Variants in IQSEC1 observed in about 807,000 individuals in gnomAD.
The protein encoded by IQSEC1 is IQ motif and SEC7 domain-containing protein 1.
IQSEC1 carries 31 observed loss-of-function variants against 91.0 expected under a neutral mutation model. The ratio of observed to expected loss-of-function variants is 0.34; its 90% CI spans 0.26 to 0.46. The LOEUF (loss-of-function observed/expected upper bound fraction) is 0.46. IQSEC1 is among the 20% of genes least tolerant of loss of function. IQSEC1 has a pLI of 1.00. For missense variants in IQSEC1, 1,388 were observed against 1,575.6 expected (o/e 0.88, Z 2.02); for synonymous variants, 699 against 662.6 (o/e 1.05, Z -0.84).
chr3:13,193,592 G>T lies in IQSEC1; in HGVS notation c.273-29459C>A, dbSNP rs538280168. 6.6e-6 allele frequency among the ~76,000 whole-genome samples: 1 copy of T among 152,122 alleles called. No homozygotes were observed. The highest frequency in any genetic ancestry group is 1.5e-5 in the Non-Finnish European group (1 of 68,010). The stretch of plus-strand genomic sequence containing the variant: ...GAGGGGAACAGAAGGTGCAGTTTAG[G>T]GGGTGAGGAGAGAAGTATCATGAGT... On this transcript the variant is annotated intron_variant, in intron 1 of 15. Transcript: ENST00000648114. This position sits in a 1 kb window ranked among gnomAD's most constrained non-coding sequence, Gnocchi z 4.2.
rs1367195012 is a variant in IQSEC1 at position 12,924,642 on chromosome 3, G to C, written c.1669C>G (p.Arg557Gly). Reference sequence around the variant, plus strand: ...CCCAGGAACTCGCCGATCATCTGCCGGCTGAGGCCCTTGCGCTGCAGCAGG... The same window carrying C: ...CCCAGGAACTCGCCGATCATCTGCCCGCTGAGGCCCTTGCGCTGCAGCAGG... ...HFLLQRKGLS[R>G]QMIGEFLGNR... The change falls in exon 4 of 14, where the codon CGG becomes GGG. Residue 557 changes from arginine to glycine, a missense_variant. This residue lies in a region of IQSEC1 where 1,059 missense variants were observed against 1,317.8 expected (regional missense o/e 0.80). Transcript: ENST00000613206. This position sits in a 1 kb window ranked among gnomAD's most constrained non-coding sequence, Gnocchi z 6.3. 1 of 1,610,772 alleles carries C rather than the reference G, an allele frequency of 6.2e-7. No homozygotes were observed. The highest frequency in any genetic ancestry group is 8.5e-7 in the Non-Finnish European group (1 of 1,178,402).
chr3:13,267,590 G>C (rs1695514252), intron 1 of IQSEC1, among the ~76,000 whole-genome samples: 2 of 151,558 alleles, frequency 1.3e-5, no homozygotes, highest in Non-Finnish European at 1.5e-5. Flanking sequence ...TCTGGGGCCA[G>C]AGTCAGCAAA....
At chr3:13,025,111 C>T (rs1174299103) in intron 1 of IQSEC1, among the ~76,000 whole-genome samples, 2 of 152,222 alleles carry the variant, frequency 1.3e-5, no homozygotes, top group African/African-American at 4.8e-5. Flanking sequence ...CTAAAAAGCC[C>T]CTGGCACTGC....
At chr3:13,187,997 G>C (rs1430209925) in intron 1 of IQSEC1, among the ~76,000 whole-genome samples, 1 of 152,218 alleles carries the variant, frequency 6.6e-6, no homozygotes, top group Non-Finnish European at 1.5e-5. Flanking sequence ...TGAGGATTTT[G>C]ACACATGGAT....
chr3:13,016,910 G>A (rs4684896), intron 1 of IQSEC1, among the ~76,000 whole-genome samples: 3 of 151,936 alleles, frequency 2.0e-5, no homozygotes, highest in Non-Finnish European at 2.9e-5. Flanking sequence ...CCTGGATCAC[G>A]GCAAACCTAC....
chr3:12,912,797 G>A (rs11923586), intron 9 of IQSEC1, among the ~76,000 whole-genome samples: 2,646 of 151,838 alleles, frequency 0.017, 61 homozygotes, highest in African/African-American at 0.055. Context: ...TTCTGCCCCC[G>A]TCTGGCTAGC....
In IQSEC1 at chr3:13,214,614, G is replaced by A. The variant is rs753360335; in HGVS notation, c.273-50481C>T. On this transcript the variant is annotated intron_variant, in intron 1 of 15. Transcript: ENST00000648114. This position sits in a 1 kb window ranked among gnomAD's most constrained non-coding sequence, Gnocchi z 4.5. ...CTAGCAGAAGCCTGTGAGGTGAGGA[G>A]GGGGCACCTCCAGGAATCCACCCTG... 1.3e-5 allele frequency among the ~76,000 whole-genome samples: 2 copies of A among 152,230 alleles called. No homozygotes were observed. Among genetic ancestry groups the A allele is most frequent in the Non-Finnish European group, 2.9e-5 (2 of 68,040 alleles).
At chr3:13,194,171 G>A (rs1004096061) in intron 1 of IQSEC1, among the ~76,000 whole-genome samples, 2 of 152,084 alleles carry the variant, frequency 1.3e-5, no homozygotes, top group African/African-American at 4.8e-5. Context: ...TCCTCATCCC[G>A]TTCTAAGGTT....
chr3:13,265,572 T>A (rs1004995512), intron 1 of IQSEC1, among the ~76,000 whole-genome samples: 4 of 152,048 alleles, frequency 2.6e-5, no homozygotes, highest in African/African-American at 7.2e-5. Context: ...CAGTGGGCAG[T>A]CCAGGCTGGG....
intron 2 of IQSEC1, among the ~76,000 whole-genome samples, chr3:13,151,188 A>C (rs358345): frequency 0.3 from 44,909 of 152,086 alleles, 6,881 homozygotes; most frequent in East Asian, 0.47. Flanking sequence ...GGGAAATTCT[A>C]TGTCTCAGCA....
At chr3:13,094,125 C>A (rs1164795132) in intron 2 of IQSEC1, among the ~76,000 whole-genome samples, 6 of 152,128 alleles carry the variant, frequency 3.9e-5, no homozygotes. Context: ...GAGAGAGAAC[C>A]GTGACATCCG....
intron 1 of IQSEC1, among the ~76,000 whole-genome samples, chr3:13,056,263 G>C (rs1704877187): frequency 6.6e-6 from 1 of 152,014 alleles, no homozygotes; most frequent in Admixed American, 6.5e-5. Context: ...GCTTGGGGGA[G>C]GGGTGTACCT....
At chr3:12,907,083 C>T (rs950657409) in intron 12 of IQSEC1, among the ~76,000 whole-genome samples, 3 of 152,176 alleles carry the variant, frequency 2.0e-5, no homozygotes, top group African/African-American at 7.2e-5. Flanking sequence ...AACATCTTGC[C>T]AAGCCCGGGA....
At chr3:13,101,067 G>C (rs1004670329) in intron 2 of IQSEC1, among the ~76,000 whole-genome samples, 9 of 122,584 alleles carry the variant, frequency 7.3e-5, no homozygotes, top group African/African-American at 3.1e-4. Context: ...GGACTGAGCT[G>C]GGAAGAGGAG....
At position 12,935,645 on chromosome 3, in the gene IQSEC1, G is replaced by T; in HGVS notation, c.1371C>A (p.Asp457Glu). Residue 457 changes from aspartate (D) to glutamate (E), a missense_variant, in exon 3 of 14, where the codon GAC (aspartate) becomes GAA (glutamate). Coordinates refer to ENST00000613206, the MANE Select transcript of IQSEC1 (RefSeq NM_001134382.3). This position sits in a 1 kb window ranked among gnomAD's most constrained non-coding sequence, Gnocchi z 8.0. Reference protein sequence around the residue: ...SESDYSDGDNDSINSTSNSND... With the variant: ...SESDYSDGDNESINSTSNSND... ...TGGAGTTGGACGTGCTGTTGATGCT[G>T]TCATTGTCACCGTCTGAGTAGTCCG... 1 of 1,614,110 alleles carries T rather than the reference G, an allele frequency of 6.2e-7. No individual in the cohort carries two copies. The highest frequency in any genetic ancestry group is 1.7e-5 in the Admixed American group (1 of 60,036).
chr3:13,190,658 G>C (rs1432401348), intron 1 of IQSEC1, among the ~76,000 whole-genome samples: 1 of 152,142 alleles, frequency 6.6e-6, no homozygotes, highest in Non-Finnish European at 1.5e-5. Flanking sequence ...GAATGACACT[G>C]TCTGATCATT....
chr3:13,014,073 G>A lies in IQSEC1; in HGVS notation c.23+58919C>T, dbSNP rs544886278. Among the ~76,000 whole-genome samples the A allele has an allele frequency of 2.4e-3, 372 of 152,304 alleles. 3 individuals carry two copies. Among genetic ancestry groups the A allele is most frequent in the African/African-American group, 8.4e-3 (350 of 41,570 alleles). The stretch of plus-strand genomic sequence containing the variant: ...TGAGCCCTGGCGCCCAACAAAGGCA[G>A]GTTGCTGCTGGAGGTAGCTGAGCTG... On this transcript the variant is annotated intron_variant, in intron 1 of 13. Transcript: ENST00000613206.
intron 2 of IQSEC1, among the ~76,000 whole-genome samples, chr3:13,162,022 G>T (rs1408976293): frequency 2.6e-5 from 4 of 152,200 alleles, no homozygotes; most frequent in Admixed American, 6.5e-5. Context: ...CACAGCGCCT[G>T]CCTGGCAAAT....
intron 1 of IQSEC1, among the ~76,000 whole-genome samples, chr3:13,033,454 T>C (rs1023640466): frequency 2.0e-5 from 3 of 152,142 alleles, no homozygotes; most frequent in African/African-American, 7.2e-5. Context: ...TCCCTGTGTC[T>C]TCACACGGCA....
Sources: allele counts gnomAD v4.1 joint callset (sites outside exome capture counted in the v4.1 genomes callset), GRCh38; gene constraint gnomAD v4.1.1; regional missense constraint gnomAD v4.1.1; non-coding constraint Gnocchi (gnomAD v3.1); transcripts MANE v1.5; gene names NCBI Gene and HGNC (gene_info 2026-07-23, HGNC 2026-07-21).